The following RERE variants were observed in gnomAD, a reference collection of about 807,000 sequenced individuals.
The protein encoded by RERE is arginine-glutamic acid dipeptide repeats protein.
In RERE, 40 loss-of-function variants were observed where a neutral mutation model predicts 146.1. That is an observed-to-expected ratio of 0.27 (90% CI 0.21 to 0.36). The LOEUF (loss-of-function observed/expected upper bound fraction) is 0.36, where lower values mean the gene tolerates loss of function less well. RERE is among the 10% of genes least tolerant of loss of function. The probability of loss-of-function intolerance (pLI) is 1.00; values close to 1 mark genes in which losing one functional copy is unlikely to be tolerated. For missense variants in RERE, 1,933 were observed against 2,138.7 expected (o/e 0.90, Z 1.90); for synonymous variants, 1,003 against 866.0 (o/e 1.16, Z -2.78).
At chr1:8,594,961 C>G (rs1412482938) in intron 4 of RERE, among the ~76,000 whole-genome samples, 1 of 152,066 alleles carries the variant, frequency 6.6e-6, no homozygotes, top group East Asian at 1.9e-4. Context: ...GAGCCTGATA[C>G]CAGCCTGGGC....
At chr1:8,806,522 AAATAAT>A (rs904517094) in intron 1 of RERE, among the ~76,000 whole-genome samples, 1 of 151,884 alleles carries the variant, frequency 6.6e-6, no homozygotes. Flanking sequence ...CCATCTCAAA[AAATAAT>A]AATAATAATA....
At chr1:8,788,201 C>T (rs1038505094) in intron 1 of RERE, among the ~76,000 whole-genome samples, 1 of 151,264 alleles carries the variant, frequency 6.6e-6, no homozygotes, top group African/African-American at 2.4e-5. Flanking sequence ...GCCAAGTGCC[C>T]AATAATAGGA....
Position 8,353,597 on chromosome 1 carries a change from G to T in RERE, c.*1490C>A, listed in dbSNP as rs562950770. 1.3e-5 allele frequency: 2 copies of T among 152,460 alleles called. No individual in the cohort carries two copies. Among genetic ancestry groups the T allele is most frequent in the South Asian group, 4.1e-4 (2 of 4,832 alleles). The allele number at this position is 152,460 out of a possible 1,614,324, so 9.4% of individuals were successfully genotyped here. On this transcript the variant is annotated 3_prime_UTR_variant, in exon 23 of 23. Transcript: ENST00000400908. ...CAGAACACCCGCCCTCAGCCTGGGA[G>T]AAAGTGCGTTACGGCTGCAGCCTGG...
intron 1 of RERE, among the ~76,000 whole-genome samples, chr1:8,814,374 C>T (rs1246693338): frequency 1.3e-5 from 2 of 152,224 alleles, no homozygotes. Context: ...TCTGAAACTG[C>T]ACCTTAGTTT....
chr1:8,751,296 G>A (rs1640529794), intron 1 of RERE, among the ~76,000 whole-genome samples: 2 of 152,016 alleles, frequency 1.3e-5, no homozygotes, highest in Admixed American at 6.6e-5. Context: ...GACATGCCAG[G>A]GATTATGCCA....
At chr1:8,512,255 G>GATC (rs1645351431) in intron 7 of RERE, among the ~76,000 whole-genome samples, 1 of 148,876 alleles carries the variant, frequency 6.7e-6, no homozygotes, top group Non-Finnish European at 1.5e-5. Context: ...GGATGGTCTC[G>GATC]ATCTCCTGAC....
chr1:8,552,443 T>C (rs903783117), intron 6 of RERE, among the ~76,000 whole-genome samples: 4 of 152,218 alleles, frequency 2.6e-5, no homozygotes, highest in Non-Finnish European at 5.9e-5. Context: ...CCCATGGTTT[T>C]TTTCATTACA....
In RERE at chr1:8,360,491, C is replaced by T. The variant is rs868623460; in HGVS notation, c.3016G>A (p.Gly1006Arg). The T allele has an allele frequency of 5.1e-6, 6 of 1,180,582 alleles. No individual in the cohort carries two copies. The highest frequency in any genetic ancestry group is 3.1e-5 in the East Asian group (1 of 32,024). The allele number at this position is 1,180,582 out of a possible 1,614,324, so 73.1% of individuals were successfully genotyped here. The change falls in exon 18 of 23, where the codon GGG (glycine) becomes AGG (arginine). Residue 1006 changes from glycine (G) to arginine (R), a missense_variant. Physicochemically the swap from Gly to Arg is moderately radical, Grantham distance 125 (BLOSUM62 -2). Around this residue, in one of 11 missense-constraint regions of RERE, gnomAD observed 1,255 missense variants for 1,153.8 expected, o/e 1.09. Coordinates refer to ENST00000400908, the MANE Select transcript of RERE (RefSeq NM_001042681.2). ...PLPSSPAQPP[G>R]LTQSQNLPPP... ...GGCAGGTTCTGGCTCTGGGTCAGCC[C>T]GGGGGGCTGGGCGGGCGAGGAGGGC... is the stretch of plus-strand genomic sequence containing the variant.
intron 12 of RERE, among the ~76,000 whole-genome samples, chr1:8,407,820 G>A (rs949743513): frequency 6.6e-6 from 1 of 152,192 alleles, no homozygotes; most frequent in African/African-American, 2.4e-5. Context: ...TTTTGAAACA[G>A]AGAACCACAG....
chr1:8,622,332 A>T (rs1646925009), intron 3 of RERE, among the ~76,000 whole-genome samples: 1 of 152,128 alleles, frequency 6.6e-6, no homozygotes. Context: ...TTTCACAGCT[A>T]TATATTTTTC....
intron 7 of RERE, among the ~76,000 whole-genome samples, chr1:8,513,412 G>C (rs7542312): frequency 0.62 from 93,655 of 152,104 alleles, 29,223 homozygotes; most frequent in East Asian, 0.83. Flanking sequence ...TCAATCTGCT[G>C]CAATATATTG....
intron 1 of RERE, among the ~76,000 whole-genome samples, chr1:8,762,793 G>A (rs1640780076): frequency 6.6e-6 from 1 of 152,050 alleles, no homozygotes; most frequent in Non-Finnish European, 1.5e-5. Flanking sequence ...CCACCATAAG[G>A]TCAGCTCCTC....
chr1:8,508,459 T>C (rs1184250058), intron 8 of RERE, among the ~76,000 whole-genome samples, 168 bp downstream of exon 8: 1 of 152,126 alleles, frequency 6.6e-6, no homozygotes, highest in African/African-American at 2.4e-5. Context: ...AAATGGGAGA[T>C]GGTAAATGTA....
At chr1:8,417,875 C>T (rs553740040) in intron 12 of RERE, among the ~76,000 whole-genome samples, 2 of 152,202 alleles carry the variant, frequency 1.3e-5, no homozygotes, top group Admixed American at 6.5e-5. Flanking sequence ...TTCCTGTCTC[C>T]GTGCCTTTGT....
chr1:8,355,651 A>G (rs1267287315), intron 21 of RERE, 52 bp from the exon 22 acceptor site: 1 of 1,481,744 alleles, frequency 6.7e-7, no homozygotes, highest in African/African-American at 1.4e-5. Flanking sequence ...GGACTGGCCA[A>G]GACCAGGGCG....
chr1:8,412,471 T>TC (rs1203311996), intron 12 of RERE, among the ~76,000 whole-genome samples: 2 of 152,130 alleles, frequency 1.3e-5, no homozygotes, highest in African/African-American at 4.8e-5. Flanking sequence ...CTCCTCCACC[T>TC]CCCCTGGCTC....
At chr1:8,658,712 G>A (rs1638384823) in intron 1 of RERE, among the ~76,000 whole-genome samples, 2 of 151,016 alleles carry the variant, frequency 1.3e-5, no homozygotes, top group African/African-American at 4.9e-5. Context: ...AGCTGAGATC[G>A]TGCCACTGCA....
At chr1:8,525,826 C>T (rs1183962735) in intron 7 of RERE, 1 of 1,555,984 alleles carries the variant, frequency 6.4e-7, no homozygotes, top group Admixed American at 2.1e-5. Context: ...ATTCCTGAAC[C>T]TTTACTTTCT....
chr1:8,446,492 G>A (rs1418590100), intron 11 of RERE, among the ~76,000 whole-genome samples: 1 of 152,116 alleles, frequency 6.6e-6, no homozygotes, highest in Non-Finnish European at 1.5e-5. Flanking sequence ...GTATCTTTGT[G>A]GTGGTCTCTG....
Sources: allele counts gnomAD v4.1 joint callset (sites outside exome capture counted in the v4.1 genomes callset), GRCh38; gene constraint gnomAD v4.1.1; regional missense constraint gnomAD v4.1.1; transcripts MANE v1.5; gene names NCBI Gene and HGNC (gene_info 2026-07-23, HGNC 2026-07-21).